The following NTN1 variants were observed in gnomAD, a reference collection of about 807,000 sequenced individuals.
NTN1 encodes the protein netrin-1.
Under a neutral mutation model 54.2 loss-of-function variants are expected in NTN1, and 11 were observed. The observed-to-expected ratio is 0.20, with a 90% CI of 0.13 to 0.34. The LOEUF is 0.34. Ranked by LOEUF, NTN1 falls within the 10% of genes least tolerant of loss-of-function variation. The pLI, the probability that NTN1 is intolerant of heterozygous loss-of-function variation, is 1.00. For synonymous variants in NTN1, 371 were observed against 382.0 expected (o/e 0.97, Z 0.33); for missense variants, 740 against 893.1 (o/e 0.83, Z 2.18).
At position 9,163,021 on chromosome 17, in the gene NTN1, G is replaced by A; in HGVS notation, c.1207+20G>A. ...GCAAAGGTGGGCTACACGTGGCGGG[G>A]CGGGGGGCTGGGGAGACCCGGGGAA... On this transcript the variant is annotated intron_variant, in intron 3 of 6. Coordinates refer to ENST00000173229, the MANE Select transcript of NTN1 (RefSeq NM_004822.3). 6.3e-7 allele frequency: 1 copy of A among 1,578,624 alleles called. No individual in the cohort carries two copies. Among genetic ancestry groups the A allele is most frequent in the Non-Finnish European group, 8.6e-7 (1 of 1,160,270 alleles).
chr17:9,243,131 G>T lies in NTN1; in HGVS notation c.*3163G>T, dbSNP rs1436103104. 6.6e-6 allele frequency: 1 copy of T among 152,218 alleles called. No individual in the cohort carries two copies. Among genetic ancestry groups the T allele is most frequent in the Admixed American group, 6.5e-5 (1 of 15,284 alleles). The allele number at this position is 152,218 out of a possible 1,614,324, so 9.4% of individuals were successfully genotyped here. On this transcript the variant is annotated 3_prime_UTR_variant, in exon 7 of 7. Transcript: ENST00000173229. ...CACGCAGTAATGCCGAAGATTTGCG[G>T]GGGAGGACATAGGGCTGTCCCCGGG...
chr17:9,067,556 C>T (rs966746041), intron 2 of NTN1, among the ~76,000 whole-genome samples: 1 of 152,220 alleles, frequency 6.6e-6, no homozygotes, highest in African/African-American at 2.4e-5. Context: ...GCCACCAGAG[C>T]TGCCTTCCTT....
At chr17:9,012,165 A>C in the NTN1 span, among the ~76,000 whole-genome samples, 2 of 152,094 alleles carry the variant, frequency 1.3e-5, no homozygotes, top group Non-Finnish European at 2.9e-5. Flanking sequence ...TGCTTGGTCT[A>C]GCTCTCAGCC....
intron 2 of NTN1, among the ~76,000 whole-genome samples, chr17:9,088,301 T>A (rs2092096277): frequency 6.6e-6 from 1 of 152,216 alleles, no homozygotes; most frequent in Non-Finnish European, 1.5e-5. Flanking sequence ...CTTATTGTCC[T>A]GCTCTTAAAG....
Position 9,239,784 on chromosome 17 carries a change from G to C in NTN1, c.1631G>C (p.Cys544Ser). The C allele has an allele frequency of 6.2e-7, 1 of 1,613,804 alleles. No individual in the cohort carries two copies. The highest frequency in any genetic ancestry group is 8.5e-7 in the Non-Finnish European group (1 of 1,180,028). Residue 544 changes from cysteine (C) to serine (S), a missense_variant, in exon 7 of 7, where the codon TGC (cysteine) becomes TCC (serine). Physicochemically the swap from Cys to Ser is moderately radical, Grantham distance 112. Coordinates refer to ENST00000173229, the MANE Select transcript of NTN1 (RefSeq NM_004822.3). This position sits in a 1 kb window ranked among gnomAD's most constrained non-coding sequence, Gnocchi z 5.2. ...TGGATCCGCTCGCGGGACATCGCCT[G>C]CAAGTGTCCCAAAATCAAGCCCCTC... ...SLWIRSRDIA[C>S]KCPKIKPLKK...
At chr17:9,161,648 T>C (rs1321999547) in intron 2 of NTN1, among the ~76,000 whole-genome samples, 2 of 152,028 alleles carry the variant, frequency 1.3e-5, no homozygotes, top group Non-Finnish European at 1.5e-5. Context: ...CGTGGTGGTG[T>C]GCACCTGTAA....
intron 3 of NTN1, chr17:9,172,759 C>T (rs1597517337): frequency 6.6e-6 from 1 of 151,964 alleles, no homozygotes; most frequent in Admixed American, 6.6e-5. Flanking sequence ...TGCCTGTAAT[C>T]CCAGCACTTT....
At chr17:9,197,710 A>G (rs912753969) in intron 5 of NTN1, among the ~76,000 whole-genome samples, 2 of 151,724 alleles carry the variant, frequency 1.3e-5, no homozygotes, top group African/African-American at 4.8e-5. Context: ...TGGAAGGGGA[A>G]ATGGGTTTTA....
At chr17:9,234,961 T>C (rs1905932319) in intron 6 of NTN1, among the ~76,000 whole-genome samples, 1 of 86,546 alleles carries the variant, frequency 1.2e-5, no homozygotes, top group South Asian at 3.5e-4. Context: ...TTTTTGTTTT[T>C]TGGTTTTTTT....
At chr17:9,207,684 T>C (rs1905001361) in intron 5 of NTN1, among the ~76,000 whole-genome samples, 1 of 152,186 alleles carries the variant, frequency 6.6e-6, no homozygotes, top group African/African-American at 2.4e-5. Context: ...TCTGAGACCA[T>C]TGCCACTGGA....
intron 2 of NTN1, among the ~76,000 whole-genome samples, chr17:9,044,479 A>G (rs2091934695): frequency 6.6e-6 from 1 of 151,920 alleles, no homozygotes; most frequent in Non-Finnish European, 1.5e-5. Context: ...AGGTGATCCC[A>G]CCTGCCTCAG....
At chr17:9,222,026 A>G (rs576682156) in intron 6 of NTN1, among the ~76,000 whole-genome samples, 1 of 152,342 alleles carries the variant, frequency 6.6e-6, no homozygotes, top group South Asian at 2.1e-4. Context: ...ACCACTGGCA[A>G]GGCCCCCGCA....
chr17:9,103,317 G>A (rs1399036737), intron 2 of NTN1, among the ~76,000 whole-genome samples: 17 of 152,164 alleles, frequency 1.1e-4, no homozygotes, highest in Non-Finnish European at 2.2e-4. Context: ...TTATACATGT[G>A]ATATGGTTTG....
chr17:9,082,710 G>GC (rs1410198508), intron 2 of NTN1, among the ~76,000 whole-genome samples: 3 of 46,438 alleles, frequency 6.5e-5, no homozygotes, highest in Non-Finnish European at 1.1e-4. Context: ...AGAGTTTCTC[G>GC]CCTTTTTTTT....
At chr17:9,205,703 C>T (rs1479599849) in intron 5 of NTN1, among the ~76,000 whole-genome samples, 1 of 152,200 alleles carries the variant, frequency 6.6e-6, no homozygotes, top group Non-Finnish European at 1.5e-5. Context: ...AACAGGTTGC[C>T]ATGGCTCTGT....
intron 5 of NTN1, among the ~76,000 whole-genome samples, chr17:9,220,136 A>T (rs1331513707): frequency 1.3e-5 from 2 of 152,224 alleles, no homozygotes; most frequent in Non-Finnish European, 2.9e-5. Context: ...CCAAGAGTGC[A>T]GGGATCTTGG....
chr17:9,092,319 CTTTTTTTTTTTTT>C (rs148786553), intron 2 of NTN1, among the ~76,000 whole-genome samples: 2 of 91,714 alleles, frequency 2.2e-5, no homozygotes, highest in Non-Finnish European at 4.2e-5. Flanking sequence ...CTTTTCTTCT[CTTTTTTTTTTTTT>C]TTTTTTTTTT....
upstream of NTN1, among the ~76,000 whole-genome samples, chr17:9,018,397 C>T (rs759766539): frequency 4.2e-4 from 64 of 151,980 alleles, no homozygotes; most frequent in Non-Finnish European, 2.6e-4. Context: ...TTTGGGAGGC[C>T]GAGGCGGGCA....
intron 3 of NTN1, among the ~76,000 whole-genome samples, 175 bp downstream of exon 3, chr17:9,163,176 ACAC>A (rs2092363182): frequency 9.3e-6 from 1 of 107,874 alleles, no homozygotes; most frequent in South Asian, 2.8e-4. Context: ...ACACACACAC[ACAC>A]ACACACGCCT....
Sources: gnomAD v4.1 joint callset for allele counts (sites outside exome capture counted in the v4.1 genomes callset) on GRCh38, gnomAD v4.1.1 for gene constraint, Gnocchi (gnomAD v3.1) non-coding constraint, MANE v1.5 for transcripts, NCBI Gene and HGNC (gene_info 2026-07-23, HGNC 2026-07-21) for gene names.